SRGAP2C: variants seen among roughly 807,000 people sequenced by gnomAD.
SRGAP2C encodes the protein SLIT-ROBO Rho GTPase activating protein 2C, also known as SLIT-ROBO Rho GTPase-activating protein 2C.
A neutral mutation model predicts 25.1 loss-of-function variants in SRGAP2C; 15 were observed. That is an observed-to-expected ratio of 0.60 (90% CI 0.40 to 0.92). The LOEUF (loss-of-function observed/expected upper bound fraction) is 0.92. Ranked by LOEUF, SRGAP2C falls within the 40% of genes least tolerant of loss-of-function variation. The pLI, the probability that SRGAP2C is intolerant of heterozygous loss-of-function variation, is 0.00. For synonymous variants in SRGAP2C, 44 were observed against 96.6 expected, an observed-to-expected ratio of 0.46 and a Z score of 3.19; for missense variants, 144 against 264.4, an observed-to-expected ratio of 0.54 and a Z score of 3.16.
At chr1:121,262,761 C>A (rs587732676) in intron 2 of SRGAP2C, among the ~76,000 whole-genome samples, 38 of 149,348 alleles carry the variant, frequency 2.5e-4, no homozygotes, top group African/African-American at 9.3e-4. Flanking sequence ...ATGCTTTCAG[C>A]CTTTTATTCT....
chr1:121,265,109 G>T, intron 2 of SRGAP2C, among the ~76,000 whole-genome samples: 1 of 108,024 alleles, frequency 9.3e-6, no homozygotes. Flanking sequence ...AGGCTCACTA[G>T]AATTGCTTGA....
chr1:121,360,150 C>T (rs1408395174), intron 4 of SRGAP2C: 1 of 151,094 alleles, frequency 6.6e-6, no homozygotes, highest in Admixed American at 6.6e-5. Context: ...CCAGAAGGAA[C>T]CAACTCCGGA....
intron 3 of SRGAP2C, among the ~76,000 whole-genome samples, chr1:121,315,286 G>A (rs2101601385): frequency 6.6e-6 from 1 of 152,050 alleles, no homozygotes; most frequent in Admixed American, 6.6e-5. Context: ...CAGGAGTACA[G>A]GCACGTGTCA....
chr1:121,224,526 AAG>A (rs1655618909), intron 2 of SRGAP2C, among the ~76,000 whole-genome samples: 1 of 118,914 alleles, frequency 8.4e-6, no homozygotes, highest in Non-Finnish European at 1.8e-5. Flanking sequence ...ATGTAATAAA[AAG>A]AGATCAATTT....
intron 3 of SRGAP2C, among the ~76,000 whole-genome samples, chr1:121,286,062 G>A (rs1657358895): frequency 6.6e-6 from 1 of 152,116 alleles, no homozygotes; most frequent in South Asian, 2.1e-4. Flanking sequence ...TGCATTCAAA[G>A]CCATCCTGGC....
chr1:121,227,386 CAAGTTAT>C (rs1655704017), intron 2 of SRGAP2C, among the ~76,000 whole-genome samples: 1 of 152,090 alleles, frequency 6.6e-6, no homozygotes, highest in Admixed American at 6.6e-5. Flanking sequence ...ACATAAGTTA[CAAGTTAT>C]GAGATTTAAT....
chr1:121,326,341 AT>A (rs1658317593), intron 4 of SRGAP2C, among the ~76,000 whole-genome samples: 1 of 72,598 alleles, frequency 1.4e-5, no homozygotes, highest in African/African-American at 6.1e-5. Flanking sequence ...AGGCTAGATA[AT>A]TTAATAGCCT....
rs1383252068 is a variant in SRGAP2C at position 121,212,279 on chromosome 1, C to T, written c.67+24766C>T. ...CCAAGTAGCTGGGACTACAGGCGCC[C>T]GCCACCACGCTCGGCTAATTTTTGT... On this transcript the variant is annotated intron_variant, in intron 2 of 9. Coordinates refer to ENST00000367123, the MANE Select transcript of SRGAP2C (RefSeq NM_001329984.2). 2.1e-5 allele frequency among the ~76,000 whole-genome samples: 3 copies of T among 142,722 alleles called. No individual in the cohort carries two copies. In the East Asian group the frequency reaches 6.4e-4, roughly 30 times the overall value. The allele number at this position is 142,722 out of a possible 152,430, so 93.6% of individuals were successfully genotyped here.
chr1:121,281,428 T>TTCTTCC (rs1376809412), intron 2 of SRGAP2C, among the ~76,000 whole-genome samples: 1 of 149,374 alleles, frequency 6.7e-6, no homozygotes, highest in African/African-American at 2.5e-5. Context: ...CTCCTTCTTC[T>TTCTTCC]TCTTCCTCTT....
intron 2 of SRGAP2C, among the ~76,000 whole-genome samples, chr1:121,191,093 C>A (rs1654661628): frequency 6.6e-6 from 1 of 152,164 alleles, no homozygotes; most frequent in South Asian, 2.1e-4. Flanking sequence ...CTCTCAATGT[C>A]TGACTTGAAA....
At chr1:121,350,497 T>A (rs1378832783) in intron 4 of SRGAP2C, among the ~76,000 whole-genome samples, 4 of 151,844 alleles carry the variant, frequency 2.6e-5, no homozygotes, top group Admixed American at 2.6e-4. Flanking sequence ...GAGATCCTAG[T>A]AATGGTGTTA....
intron 4 of SRGAP2C, among the ~76,000 whole-genome samples, chr1:121,329,841 TCTGA>T (rs1386365621): frequency 2.0e-5 from 3 of 152,192 alleles, no homozygotes; most frequent in African/African-American, 7.2e-5. Flanking sequence ...TTAAAAACAG[TCTGA>T]CTTTGTCTAG....
intron 3 of SRGAP2C, among the ~76,000 whole-genome samples, chr1:121,320,703 C>G (rs1189758342): frequency 6.6e-6 from 1 of 151,540 alleles, no homozygotes; most frequent in African/African-American, 2.4e-5. Context: ...TTATTGTAAT[C>G]TTGAGCTTTA....
At chr1:121,351,649 A>C (rs1166502994) in intron 4 of SRGAP2C, among the ~76,000 whole-genome samples, 11 of 149,138 alleles carry the variant, frequency 7.4e-5, no homozygotes, top group African/African-American at 2.0e-4. Context: ...AAATAAATAA[A>C]TAACCAAAAA....
rs1174457403 is a variant in SRGAP2C, at chr1:121,326,688, C to T, written c.423+2048C>T. ...TGCATTTTCACAAACTGAATTCACACTTGTGTAACCAGCACCCAGATCAAG... is the reference window on the plus strand; with the variant it reads ...TGCATTTTCACAAACTGAATTCACATTTGTGTAACCAGCACCCAGATCAAG... On this transcript the variant is annotated intron_variant, in intron 4 of 9. Transcript: ENST00000367123. Among the ~76,000 whole-genome samples the T allele has an allele frequency of 1.8e-3, 143 of 79,216 alleles. No individual in the cohort carries two copies. The East Asian group carries it at 0.023, about 13-fold the overall frequency. 52.0% of individuals were successfully genotyped at this position (79,216 alleles called of 152,430 possible).
At chr1:121,191,715 G>A (rs1654682903) in intron 2 of SRGAP2C, among the ~76,000 whole-genome samples, 1 of 151,922 alleles carries the variant, frequency 6.6e-6, no homozygotes, top group African/African-American at 2.4e-5. Context: ...CCCAGCTATT[G>A]TTCTTTCCTT....
chr1:121,216,193 C>T (rs1366849482), intron 2 of SRGAP2C, among the ~76,000 whole-genome samples: 3 of 152,074 alleles, frequency 2.0e-5, no homozygotes, highest in Non-Finnish European at 4.4e-5. Flanking sequence ...TAGTTGAAAG[C>T]CCCAAGTGTG....
At chr1:121,265,191 T>C (rs1304223307) in intron 2 of SRGAP2C, among the ~76,000 whole-genome samples, 2 of 146,194 alleles carry the variant, frequency 1.4e-5, no homozygotes, top group Admixed American at 6.8e-5. Flanking sequence ...CAAGTGAGAC[T>C]CTGTCTCAAA....
chr1:121,305,072 TG>T lies in SRGAP2C; in HGVS notation c.261-19403del, dbSNP rs1338411184. Among the ~76,000 whole-genome samples, 11 of 149,076 alleles carry T rather than the reference TG, an allele frequency of 7.4e-5. No homozygotes were observed. In the South Asian group the frequency reaches 2.3e-3, roughly 32 times the overall value. ...CAAACCAACCATTTTCCCCTACTTCTGGGCCAGCCCTGTCTCTAAGCAAGCC... is the reference window on the plus strand; with the variant it reads ...CAAACCAACCATTTTCCCCTACTTCTGGCCAGCCCTGTCTCTAAGCAAGCC... On this transcript the variant is annotated intron_variant, in intron 3 of 9. Coordinates refer to ENST00000367123, the MANE Select transcript of SRGAP2C (RefSeq NM_001329984.2).
Sources: gnomAD v4.1 joint callset for allele counts (sites outside exome capture counted in the v4.1 genomes callset) on GRCh38, gnomAD v4.1.1 for gene constraint, MANE v1.5 for transcripts, NCBI Gene and HGNC (gene_info 2026-07-23, HGNC 2026-07-21) for gene names.